Variants in CDH18 observed in about 807,000 individuals in gnomAD.
The protein encoded by CDH18 is cadherin-18.
A neutral mutation model predicts 67.9 loss-of-function variants in CDH18; 31 were observed. The ratio of observed to expected loss-of-function variants is 0.46; its 90% CI spans 0.34 to 0.62. The LOEUF is 0.62. Among genes scored for constraint, CDH18 ranks in the 20% least tolerant of loss-of-function variants. The pLI is 0.01. For missense variants in CDH18, 890 were observed against 975.5 expected (o/e 0.91, Z 1.17); for synonymous variants, 362 against 347.2 (o/e 1.04, Z -0.48).
intron 2 of CDH18, among the ~76,000 whole-genome samples, chr5:20,039,852 CT>C (rs1740247276): frequency 6.6e-6 from 1 of 152,148 alleles, no homozygotes; most frequent in Non-Finnish European, 1.5e-5. Flanking sequence ...CAAATGGGAT[CT>C]AATTAAACTA....
intron 2 of CDH18, among the ~76,000 whole-genome samples, chr5:20,220,724 A>G (rs1309593970): frequency 6.6e-6 from 1 of 152,066 alleles, no homozygotes; most frequent in Non-Finnish European, 1.5e-5. Flanking sequence ...CAAACTATCC[A>G]GCTGACAAGG....
chr5:20,279,725 A>AAAAAAAAAAAAC lies in CDH18; in HGVS notation c.-579-24221_-579-24220insGTTTTTTTTTTT, dbSNP rs59764100. On this transcript the variant is annotated intron_variant, in intron 1 of 14. Coordinates refer to the CDH18 transcript ENST00000507958. ...AAAAAAAAAAAAAAAAAAAAAAAAA[A>AAAAAAAAAAAAC]AAAGCAAAAACTGTAAGAGCGAGAT... 2.1e-3 allele frequency among the ~76,000 whole-genome samples: 267 copies of AAAAAAAAAAAAC among 128,836 alleles called. 13 individuals are homozygous for AAAAAAAAAAAAC. The highest frequency in any genetic ancestry group is 5.2e-3 in the African/African-American group (153 of 29,350). The allele number at this position is 128,836 out of a possible 152,430, so 84.5% of individuals were successfully genotyped here. A position where few individuals can be genotyped will look rare whatever the true frequency, so the allele number is the denominator to read the frequency against.
chr5:20,256,359 T>C (rs1443458621), intron 1 of CDH18, among the ~76,000 whole-genome samples: 1 of 152,076 alleles, frequency 6.6e-6, no homozygotes, highest in Non-Finnish European at 1.5e-5. Flanking sequence ...GCTTACTATG[T>C]CCTTAGTTGA....
intron 2 of CDH18, among the ~76,000 whole-genome samples, chr5:20,026,629 A>G (rs753004743): frequency 6.6e-6 from 1 of 152,252 alleles, no homozygotes; most frequent in African/African-American, 2.4e-5. Context: ...AGTGCTACAC[A>G]TAAGATCAAC....
At chr5:20,521,789 C>T (rs908535590) in intron 1 of CDH18, among the ~76,000 whole-genome samples, 9 of 149,848 alleles carry the variant, frequency 6.0e-5, no homozygotes, top group African/African-American at 2.3e-4. Context: ...GAACCAAGCA[C>T]AAGTTACACA....
At chr5:20,038,424 T>C (rs1740090195) in intron 2 of CDH18, among the ~76,000 whole-genome samples, 1 of 151,290 alleles carries the variant, frequency 6.6e-6, no homozygotes. Context: ...CCAATATCCC[T>C]GCATCAATGC....
chr5:20,454,669 G>A (rs1469257926), intron 1 of CDH18, among the ~76,000 whole-genome samples: 2 of 152,052 alleles, frequency 1.3e-5, no homozygotes, highest in Non-Finnish European at 2.9e-5. Context: ...GCAGAGACAT[G>A]AGACTCCTGG....
chr5:20,518,624 T>G (rs912715308), intron 1 of CDH18, among the ~76,000 whole-genome samples: 2 of 152,164 alleles, frequency 1.3e-5, no homozygotes, highest in Admixed American at 6.6e-5. Context: ...TTTTTAAAAT[T>G]ACAGATGATT....
intron 4 of CDH18, among the ~76,000 whole-genome samples, chr5:19,743,754 C>G (rs1465034533): frequency 6.6e-6 from 1 of 151,890 alleles, no homozygotes; most frequent in East Asian, 1.9e-4. Flanking sequence ...GACCCCGTCT[C>G]TACTAAAATT....
intron 10 of CDH18, among the ~76,000 whole-genome samples, chr5:19,517,379 T>C (rs190952652): frequency 4.7e-4 from 53 of 111,852 alleles, no homozygotes; most frequent in Non-Finnish European, 6.4e-4. Context: ...GTAGAAAGTC[T>C]GTAGTTTGTC....
At chr5:19,975,290 C>G (rs1426078430) in intron 2 of CDH18, among the ~76,000 whole-genome samples, 2 of 151,932 alleles carry the variant, frequency 1.3e-5, no homozygotes, top group African/African-American at 4.8e-5. Context: ...TACAATGAAA[C>G]TCATTTTGCC....
chr5:19,605,838 G>A (rs2150083374), intron 6 of CDH18, among the ~76,000 whole-genome samples: 1 of 152,202 alleles, frequency 6.6e-6, no homozygotes, highest in South Asian at 2.1e-4. Flanking sequence ...GGAGTTCAGA[G>A]CTGGCACAGG....
intron 1 of CDH18, among the ~76,000 whole-genome samples, chr5:20,470,877 C>A (rs1363965505): frequency 6.6e-6 from 1 of 152,172 alleles, no homozygotes; most frequent in Non-Finnish European, 1.5e-5. Context: ...ATCACTCTGA[C>A]AATTCATTAA....
intron 1 of CDH18, among the ~76,000 whole-genome samples, chr5:20,297,209 CCTTT>C (rs1270050434): frequency 2.0e-5 from 3 of 152,062 alleles, no homozygotes; most frequent in East Asian, 3.9e-4. Context: ...AGGTTTTTCC[CCTTT>C]CTTTCTACTT....
chr5:19,748,135 A>AAAAAAAAAAAAAAAAAAAG (rs1770360306), intron 3 of CDH18, among the ~76,000 whole-genome samples: 2 of 135,578 alleles, frequency 1.5e-5, no homozygotes, highest in Non-Finnish European at 3.2e-5. Flanking sequence ...AAAAAAAAAG[A>AAAAAAAAAAAAAAAAAAAG]GTACTTTTTT....
intron 1 of CDH18, among the ~76,000 whole-genome samples, chr5:20,574,528 T>A (rs372625836): frequency 1.3e-5 from 2 of 152,008 alleles, no homozygotes; most frequent in African/African-American, 4.8e-5. Flanking sequence ...CCATTAGAGT[T>A]CCAGTAAGCA....
At chr5:19,541,919 T>C (rs1037185007) in intron 9 of CDH18, among the ~76,000 whole-genome samples, 5 of 152,210 alleles carry the variant, frequency 3.3e-5, no homozygotes, top group Non-Finnish European at 5.9e-5. Flanking sequence ...CCTTATTATT[T>C]AACCGCCATT....
chr5:20,453,273 T>A (rs1242274238), intron 1 of CDH18, among the ~76,000 whole-genome samples: 1 of 152,168 alleles, frequency 6.6e-6, no homozygotes, highest in Non-Finnish European at 1.5e-5. Context: ...TACTTTAAGC[T>A]GCCCCGTCAC....
chr5:19,956,324 T>C (rs1011418857), intron 2 of CDH18, among the ~76,000 whole-genome samples: 2 of 151,984 alleles, frequency 1.3e-5, no homozygotes, highest in African/African-American at 4.8e-5. Context: ...ATTTTAATCT[T>C]TTTGATCTGT....
Sources: gnomAD v4.1 joint callset for allele counts (sites outside exome capture counted in the v4.1 genomes callset) on GRCh38, gnomAD v4.1.1 for gene constraint, MANE v1.5 for transcripts, NCBI Gene and HGNC (gene_info 2026-07-23, HGNC 2026-07-21) for gene names.